The following WWOX variants were observed in gnomAD, a reference collection of about 807,000 sequenced individuals.
WWOX encodes WW domain-containing oxidoreductase.
In WWOX, 69 loss-of-function variants were observed where a neutral mutation model predicts 46.2. The ratio of observed to expected loss-of-function variants is 1.49; its 90% CI spans 1.23 to 1.82. The LOEUF (loss-of-function observed/expected upper bound fraction) is 1.82. Ranked by LOEUF, WWOX falls within the 40% of genes most tolerant of loss-of-function variation. The pLI is 0.00. For synonymous variants in WWOX, 359 were observed against 202.6 expected (o/e 1.77, Z -6.56); for missense variants, 919 against 542.6 (o/e 1.69, Z -6.89).
chr16:78,143,582 A>G (rs1198395050), intron 4 of WWOX, among the ~76,000 whole-genome samples: 2 of 152,174 alleles, frequency 1.3e-5, no homozygotes, highest in Non-Finnish European at 2.9e-5. Flanking sequence ...AAAGCCCAAG[A>G]TATTTACTGC....
intron 3 of WWOX, among the ~76,000 whole-genome samples, chr16:78,110,169 G>A (rs557648524): frequency 2.6e-5 from 4 of 151,822 alleles, no homozygotes; most frequent in South Asian, 2.1e-4. Context: ...GTGAAACTCC[G>A]TCTCTACTAA....
chr16:78,265,678 C>CA lies in WWOX; in HGVS notation c.516+101404dup, dbSNP rs61417547. On this transcript the variant is annotated intron_variant, in intron 5 of 8. Transcript: ENST00000566780. ...GGGCAACAAGAGCGAAACTCCATGT[C>CA]AAAAAAAAAAAAAAACAACAAAAAA... Among the ~76,000 whole-genome samples the CA allele has an allele frequency of 3.1e-3, 409 of 132,394 alleles. 3 individuals are homozygous for CA. Among genetic ancestry groups the CA allele is most frequent in the Middle Eastern group, 7.5e-3 (2 of 266 alleles). The allele number at this position is 132,394 out of a possible 152,430, so 86.9% of individuals were successfully genotyped here.
chr16:78,923,214 C>T (rs1318321601), intron 8 of WWOX, among the ~76,000 whole-genome samples: 1 of 151,798 alleles, frequency 6.6e-6, no homozygotes, highest in African/African-American at 2.4e-5. Flanking sequence ...CTCCCAACCT[C>T]AGGTGATCTG....
intron 5 of WWOX, among the ~76,000 whole-genome samples, chr16:78,320,680 G>T (rs2080447860): frequency 6.6e-6 from 1 of 152,174 alleles, no homozygotes; most frequent in Admixed American, 6.5e-5. Context: ...GAAATATCCA[G>T]ATGTTTTCAA....
At chr16:78,806,029 C>G (rs953404839) in intron 8 of WWOX, among the ~76,000 whole-genome samples, 7 of 152,218 alleles carry the variant, frequency 4.6e-5, no homozygotes, top group African/African-American at 1.7e-4. Context: ...TGAATTAATC[C>G]AAAGCCACTT....
chr16:78,355,377 C>T (rs1043838728), intron 5 of WWOX, among the ~76,000 whole-genome samples: 29 of 152,164 alleles, frequency 1.9e-4, no homozygotes, highest in African/African-American at 4.8e-4. Context: ...CTGAGGCGGG[C>T]GAATCACGAG....
chr16:78,539,490 G>A (rs141202141), intron 8 of WWOX, among the ~76,000 whole-genome samples: 2 of 152,308 alleles, frequency 1.3e-5, no homozygotes, highest in African/African-American at 2.4e-5. Context: ...TCGATAAAAA[G>A]TGGAGAAAGA....
In WWOX at chr16:78,507,953, C is replaced by G. The variant is rs538888617; in HGVS notation, c.1056+75201C>G. ...AACATCAGGATTTTTATGCACGGAC[C>G]TTTTATGCATGGACTGTGGTGTTTT... On this transcript the variant is annotated intron_variant, in intron 8 of 8. Coordinates refer to ENST00000566780, the MANE Select transcript of WWOX (RefSeq NM_016373.4). 2.7e-5 allele frequency among the ~76,000 whole-genome samples: 4 copies of G among 149,756 alleles called. No homozygotes were observed. In the South Asian group the frequency reaches 6.4e-4, roughly 24 times the overall value.
chr16:78,475,637 C>T (rs560054103), intron 8 of WWOX, among the ~76,000 whole-genome samples: 52 of 151,952 alleles, frequency 3.4e-4, no homozygotes, highest in Admixed American at 1.7e-3. Flanking sequence ...CGTCTGTTAC[C>T]CAGGCTGGAG....
chr16:78,622,182 A>G (rs190210282), intron 8 of WWOX, among the ~76,000 whole-genome samples: 2 of 152,274 alleles, frequency 1.3e-5, no homozygotes, highest in Admixed American at 6.5e-5. Flanking sequence ...TTTTCTCTCC[A>G]TTCTTCTCTC....
intron 5 of WWOX, among the ~76,000 whole-genome samples, chr16:78,242,496 G>T (rs575875645): frequency 2.0e-5 from 3 of 152,300 alleles, no homozygotes; most frequent in Non-Finnish European, 4.4e-5. Context: ...TTATAATGAG[G>T]AGTTTTCTTC....
chr16:78,500,588 C>T (rs1338262073), intron 8 of WWOX, among the ~76,000 whole-genome samples: 1 of 152,108 alleles, frequency 6.6e-6, no homozygotes, highest in South Asian at 2.1e-4. Context: ...CAGCATTTTC[C>T]TATGACTGAG....
chr16:79,129,905 G>T (rs377765459), intron 8 of WWOX, among the ~76,000 whole-genome samples: 1 of 152,166 alleles, frequency 6.6e-6, no homozygotes, highest in Non-Finnish European at 1.5e-5. Context: ...AAGCGTCGCT[G>T]TTCACTGGCT....
chr16:78,524,975 C>T (rs1232126730), intron 8 of WWOX, among the ~76,000 whole-genome samples: 1 of 148,616 alleles, frequency 6.7e-6, no homozygotes, highest in Non-Finnish European at 1.5e-5. Flanking sequence ...AAGCAATCTT[C>T]GTGTTTCAGC....
At chr16:79,001,825 C>T (rs1447034131) in intron 8 of WWOX, among the ~76,000 whole-genome samples, 1 of 152,038 alleles carries the variant, frequency 6.6e-6, no homozygotes, top group Non-Finnish European at 1.5e-5. Context: ...TAGAGAGGTG[C>T]TTATGTAATA....
chr16:78,403,783 G>C (rs2082466447), intron 6 of WWOX, among the ~76,000 whole-genome samples: 1 of 152,198 alleles, frequency 6.6e-6, no homozygotes, highest in South Asian at 2.1e-4. Context: ...CCTAGGCATT[G>C]TCAAGTAATT....
chr16:78,771,216 T>A (rs1390373943), intron 8 of WWOX, among the ~76,000 whole-genome samples: 1 of 152,192 alleles, frequency 6.6e-6, no homozygotes, highest in Admixed American at 6.5e-5. Context: ...ACTTACTCTT[T>A]GAAAAGATCG....
chr16:78,810,458 A>G (rs1036123370), intron 8 of WWOX, among the ~76,000 whole-genome samples: 10 of 152,204 alleles, frequency 6.6e-5, no homozygotes, highest in Non-Finnish European at 1.3e-4. Context: ...CAACTCAGAA[A>G]ACATCCCTAG....
chr16:79,186,451 G>T (rs1381805711), intron 8 of WWOX, among the ~76,000 whole-genome samples: 2 of 152,066 alleles, frequency 1.3e-5, no homozygotes, highest in Non-Finnish European at 2.9e-5. Context: ...GTCCTCCCAC[G>T]GCCTTCTCCC....
Sources: gnomAD v4.1 joint callset for allele counts (sites outside exome capture counted in the v4.1 genomes callset) on GRCh38, gnomAD v4.1.1 for gene constraint, MANE v1.5 for transcripts, NCBI Gene and HGNC (gene_info 2026-07-23, HGNC 2026-07-21) for gene names.